The following RGN variants were observed in gnomAD, a reference collection of about 807,000 sequenced individuals.
RGN encodes regucalcin.
RGN carries 19 observed loss-of-function variants against 20.6 expected under a neutral mutation model. The ratio of observed to expected loss-of-function variants is 0.92; its 90% CI spans 0.64 to 1.35. The LOEUF (loss-of-function observed/expected upper bound fraction) is 1.35. Among genes scored for constraint, RGN ranks in the 40% most tolerant of loss-of-function variants. RGN has a pLI of 0.00. For missense variants in RGN, 302 were observed against 232.7 expected, an observed-to-expected ratio of 1.30 and a Z score of -1.94; for synonymous variants, 85 against 87.2, an observed-to-expected ratio of 0.97 and a Z score of 0.14.
intron 3 of RGN, among the ~76,000 whole-genome samples, chrX:47,082,716 G>T (rs982393821): frequency 9.0e-6 from 1 of 111,223 alleles, no homozygotes; most frequent in Non-Finnish European, 1.9e-5. Flanking sequence ...ATGGGGATGG[G>T]GTCCCCTTGC....
rs1556379935 is a variant in RGN at position 47,078,567 on chromosome X, T to TGC, written c.-775_-774dup. ...GGGCCCGTTCAGCCGGGCTGGCTGG[T>TGC]GCGCCCTCTGCAAAGCCTGCGCCAG... On this transcript the variant is annotated 5_prime_UTR_variant, in exon 1 of 8. Transcript: ENST00000397180. 8.9e-6 allele frequency: 1 copy of TGC among 112,836 alleles called. No individual in the cohort carries two copies. 9.3% of individuals were successfully genotyped at this position (112,836 alleles called of 1,213,427 possible).
intron 3 of RGN, among the ~76,000 whole-genome samples, chrX:47,081,522 TGGG>T (rs111659497): frequency 1.7e-4 from 14 of 83,557 alleles, no homozygotes; most frequent in East Asian, 1.3e-3. Context: ...AGTTTTTTTT[TGGG>T]GGGGGGGGTG....
At chrX:47,092,260 T>C (rs1931050093) in intron 7 of RGN, 45 bp downstream of exon 7, 1 of 1,068,881 alleles carries the variant, frequency 9.4e-7, no homozygotes, top group South Asian at 2.1e-5. Context: ...GGATCCCAAA[T>C]ACTTACAGGG....
At position 47,089,845 on chromosome X, in the gene RGN, C is replaced by T. The variant is rs782138703; in HGVS notation, c.416C>T (p.Pro139Leu). The T allele has an allele frequency of 2.8e-5, 34 of 1,205,688 alleles. No homozygotes were observed. Among genetic ancestry groups the T allele is most frequent in the Admixed American group, 6.7e-5 (3 of 44,845 alleles). ...RHQGALYSLFPDHHVKKYFDQ... is the reference protein window; with the variant it reads ...RHQGALYSLFLDHHVKKYFDQ... ...CAGGGGGCCCTGTACTCCCTCTTTC[C>T]TGATCACCACGTGAAAAAGTACTTT... is the stretch of plus-strand genomic sequence containing the variant. The change falls in exon 5 of 8, where the codon CCT (proline) becomes CTT (leucine). Residue 139 changes from proline to leucine, a missense_variant. Transcript: ENST00000397180.
At position 47,092,981 on chromosome X, in the gene RGN, G is replaced by T; in HGVS notation, c.*34G>T. On this transcript the variant is annotated 3_prime_UTR_variant, in exon 8 of 8. Coordinates refer to ENST00000397180, the MANE Select transcript of RGN (RefSeq NM_152869.4). ...CTTCTTTCCTGCCAGAGGGAGCTCT[G>T]AAGACAACTAGAGAATTCTGGGCCT... The T allele has an allele frequency of 9.1e-7, 1 of 1,101,770 alleles. No homozygotes were observed. The highest frequency in any genetic ancestry group is 1.2e-6 in the Non-Finnish European group (1 of 803,764). 90.8% of individuals were successfully genotyped at this position (1,101,770 alleles called of 1,213,427 possible). A position where few individuals can be genotyped will look rare whatever the true frequency, so the allele number is the denominator to read the frequency against.
chrX:47,088,149 G>C (rs1156844654), intron 4 of RGN, among the ~76,000 whole-genome samples: 1 of 106,090 alleles, frequency 9.4e-6, no homozygotes, highest in East Asian at 3.0e-4. Context: ...AGGTGCCCCA[G>C]GCCCAGAAAA....
chrX:47,085,889 C>T (rs1930566520), intron 4 of RGN, among the ~76,000 whole-genome samples: 1 of 111,835 alleles, frequency 8.9e-6, no homozygotes, highest in African/African-American at 3.2e-5. Context: ...TCTTACATGA[C>T]CACAGTTACA....
Position 47,080,730 on chromosome X carries a change from A to G in RGN, c.-222A>G, listed in dbSNP as rs1930259153. ...CATCAACAGAAGGTGGGGGAGCAGA[A>G]GGTGCCCTGCAGACACCCAGAGGGG... On this transcript the variant is annotated 5_prime_UTR_variant, in exon 2 of 8. Transcript: ENST00000397180. 2 of 122,282 alleles carry G rather than the reference A, an allele frequency of 1.6e-5. No homozygotes were observed. Among genetic ancestry groups the G allele is most frequent in the Non-Finnish European group, 1.7e-5 (1 of 60,461 alleles). The allele number at this position is 122,282 out of a possible 1,213,427, so 10.1% of individuals were successfully genotyped here.
At chrX:47,089,600 C>T (rs1320321597) in intron 4 of RGN, among the ~76,000 whole-genome samples, 176 bp from the exon 5 acceptor site, 1,567 of 14,871 alleles carry the variant, frequency 0.11, 64 homozygotes, top group African/African-American at 0.37. Flanking sequence ...TATATATATA[C>T]ACACACACAC....
Position 47,090,962 on chromosome X carries a change from AAG to A in RGN, c.563-714_563-713del, listed in dbSNP as rs201670318. Among the ~76,000 whole-genome samples, 59 of 24,297 alleles carry A rather than the reference AAG, an allele frequency of 2.4e-3. 6 individuals carry two copies. Among genetic ancestry groups the A allele is most frequent in the African/African-American group, 6.0e-3 (53 of 8,890 alleles). The allele number at this position is 24,297 out of a possible 115,157, so 21.1% of individuals were successfully genotyped here. A position where few individuals can be genotyped will look rare whatever the true frequency, so the allele number is the denominator to read the frequency against. ...AAAGAAAGAAAGAAAGAAAGAAAGA[AAG>A]AAAGAAAGAAAGAAAGAAAGATGTA... On this transcript the variant is annotated intron_variant, in intron 5 of 7. Transcript: ENST00000397180.
chrX:47,090,924 GA>G (rs1221734295), intron 5 of RGN, among the ~76,000 whole-genome samples: 13 of 22,259 alleles, frequency 5.8e-4, no homozygotes, highest in East Asian at 2.1e-3. Context: ...AGGAAAGAAA[GA>G]AAGAAAGAAA....
At chrX:47,090,487 A>T (rs1307564560) in intron 5 of RGN, among the ~76,000 whole-genome samples, 1 of 103,534 alleles carries the variant, frequency 9.7e-6, no homozygotes, top group Non-Finnish European at 2.0e-5. Context: ...ATGGAAAAGC[A>T]AAAAAAAAAA....
chrX:47,084,434 C>T lies in RGN; in HGVS notation c.180C>T (p.Ser60=), dbSNP rs189668386. Residue 60 remains serine (S), a synonymous_variant, in exon 4 of 8, where the codon TCC becomes TCT. Transcript: ENST00000397180. ...CCTCTACAGATGCCCCAGTCAGCTC[C>T]GTGGCTCTTCGCCAGTCGGGAGGCT... ...QRVTMDAPVS[S]VALRQSGGYV... is the part of the protein sequence containing the mutation. The T allele has an allele frequency of 8.3e-7, 1 of 1,201,165 alleles. No homozygotes were observed. The highest frequency in any genetic ancestry group is 3.0e-5 in the East Asian group (1 of 33,496).
intron 5 of RGN, among the ~76,000 whole-genome samples, chrX:47,090,860 A>C (rs890553123): frequency 2.1e-5 from 2 of 94,958 alleles, no homozygotes; most frequent in Non-Finnish European, 4.3e-5. Context: ...AGACACTGTC[A>C]AAAAAAAAAG....
intron 6 of RGN, 96 bp downstream of exon 6, chrX:47,091,905 C>G: frequency 1.9e-6 from 2 of 1,059,388 alleles, no homozygotes; most frequent in Non-Finnish European, 2.5e-6. Context: ...AGAGGTGCGA[C>G]TTTTTGCTCA....
At chrX:47,090,944 GAAAGA>G (rs1332615012) in intron 5 of RGN, among the ~76,000 whole-genome samples, 2 of 38,127 alleles carry the variant, frequency 5.2e-5, no homozygotes, top group Non-Finnish European at 7.1e-5. Flanking sequence ...AAGAAAGAAA[GAAAGA>G]AAGAAAGAAA....
At chrX:47,083,340 A>AG (rs1930430596) in intron 3 of RGN, among the ~76,000 whole-genome samples, 1 of 109,392 alleles carries the variant, frequency 9.1e-6, no homozygotes, top group Non-Finnish European at 1.9e-5. Flanking sequence ...CGGAGGTTGC[A>AG]GTGAGTCAAG....
chrX:47,081,035 G>A, intron 2 of RGN, 95 bp from the exon 3 acceptor site: 1 of 592,650 alleles, frequency 1.7e-6, no homozygotes, highest in Admixed American at 2.5e-5. Flanking sequence ...TCTGATCTGG[G>A]GGAAGTGTAT....
At chrX:47,090,958 AAGAAAG>A (rs1930975990) in intron 5 of RGN, among the ~76,000 whole-genome samples, 1 of 53,448 alleles carries the variant, frequency 1.9e-5, no homozygotes, top group African/African-American at 5.6e-5. Flanking sequence ...GAAAGAAAGA[AAGAAAG>A]AAAGAAAGAA....
Sources: allele counts gnomAD v4.1 joint callset (sites outside exome capture counted in the v4.1 genomes callset), GRCh38; gene constraint gnomAD v4.1.1; transcripts MANE v1.5; gene names NCBI Gene and HGNC (gene_info 2026-07-23, HGNC 2026-07-21).